SRI: variants seen among roughly 807,000 people sequenced by gnomAD.
SRI encodes 22 kDa protein.
Under a neutral mutation model 33.3 loss-of-function variants are expected in SRI, and 30 were observed. That is an observed-to-expected ratio of 0.90 (90% CI 0.67 to 1.22). The LOEUF is 1.22. SRI is among the 50% of genes most tolerant of loss of function. The pLI is 0.00. For synonymous variants in SRI, 75 were observed against 89.9 expected, an observed-to-expected ratio of 0.83 and a Z score of 0.94; for missense variants, 243 against 250.8, an observed-to-expected ratio of 0.97 and a Z score of 0.21.
intron 6 of SRI, chr7:88,208,938 C>T (rs1345201332): frequency 3.5e-6 from 1 of 283,698 alleles, no homozygotes; most frequent in African/African-American, 2.2e-5. Flanking sequence ...GATAAAGAGT[C>T]CCCAATATAA....
chr7:88,217,089 A>G (rs1851742774), intron 3 of SRI, 33 bp downstream of exon 3: 1 of 1,589,766 alleles, frequency 6.3e-7, no homozygotes, highest in Admixed American at 1.7e-5. Context: ...ACACAAGAGT[A>G]TATTTAGACA....
exon 1 of SRI, chr7:88,226,971 C>A: frequency 1.2e-6 from 2 of 1,611,006 alleles, no homozygotes; most frequent in Admixed American, 1.7e-5. Context: ...TGCCTTCTTG[C>A]AGAGTGGCCA....
intron 3 of SRI, among the ~76,000 whole-genome samples, chr7:88,214,037 A>G (rs1851647120): frequency 6.6e-6 from 1 of 152,192 alleles, no homozygotes; most frequent in Non-Finnish European, 1.5e-5. Flanking sequence ...GATAAGTCAC[A>G]TACACATATA....
chr7:88,218,751 G>A lies in SRI; in HGVS notation c.135+108C>T, dbSNP rs979339496. The stretch of plus-strand genomic sequence containing the variant: ...ACAACTTTTTTTTTCTTTTGCAGAA[G>A]CAAAGGGACTCAGTACCACAGGAAG... On this transcript the variant is annotated intron_variant, in intron 2 of 7. Coordinates refer to ENST00000265729, the MANE Select transcript of SRI (RefSeq NM_003130.4). 1.7e-5 allele frequency: 17 copies of A among 1,007,044 alleles called. No homozygotes were observed. In the African/African-American group the frequency reaches 1.9e-4, roughly 11 times the overall value. The allele number at this position is 1,007,044 out of a possible 1,614,324, so 62.4% of individuals were successfully genotyped here.
chr7:88,209,104 C>T (rs1851504543), intron 6 of SRI: 1 of 358,818 alleles, frequency 2.8e-6, no homozygotes, highest in Non-Finnish European at 5.0e-6. Context: ...TGTTTTAGAA[C>T]ATTTTAGTAA....
At chr7:88,213,500 C>A (rs184650876) in intron 3 of SRI, among the ~76,000 whole-genome samples, 2 of 152,154 alleles carry the variant, frequency 1.3e-5, no homozygotes, top group African/African-American at 4.8e-5. Context: ...ACTTCATGGT[C>A]GGCCTCATTT....
At chr7:88,209,274 A>C in intron 6 of SRI, 65 bp downstream of exon 6, 1 of 1,334,756 alleles carries the variant, frequency 7.5e-7, no homozygotes, top group Non-Finnish European at 1.1e-6. Flanking sequence ...AGAAGCACTG[A>C]GAGATGAAAT....
At chr7:88,212,669 C>T (rs1358454685) in intron 3 of SRI, among the ~76,000 whole-genome samples, 2 of 152,126 alleles carry the variant, frequency 1.3e-5, no homozygotes, top group Non-Finnish European at 2.9e-5. Flanking sequence ...GAATCTCAGC[C>T]CTTACCCTAC....
exon 1 of SRI, chr7:88,226,937 A>G (rs1425314301): frequency 6.2e-7 from 1 of 1,613,604 alleles, no homozygotes; most frequent in Non-Finnish European, 8.5e-7. Flanking sequence ...TCTTATAGGT[A>G]GAAGCTGGTG....
intron 1 of SRI, among the ~76,000 whole-genome samples, chr7:88,226,526 AATT>A (rs1243367141): frequency 6.6e-6 from 1 of 152,176 alleles, no homozygotes; most frequent in Non-Finnish European, 1.5e-5. Flanking sequence ...AAAAATTCCC[AATT>A]ATTCATATTG....
upstream of SRI, among the ~76,000 whole-genome samples, chr7:88,224,125 C>G (rs1291602968): frequency 2.0e-5 from 3 of 152,160 alleles, no homozygotes; most frequent in Non-Finnish European, 4.4e-5. Context: ...AAGAGCAGAC[C>G]TAGCCAGATG....
chr7:88,225,961 T>A (rs1851983866), intron 1 of SRI, among the ~76,000 whole-genome samples: 1 of 152,210 alleles, frequency 6.6e-6, no homozygotes, highest in African/African-American at 2.4e-5. Flanking sequence ...AAGAACTGGC[T>A]GTAATTAGTT....
Position 88,210,098 on chromosome 7 carries a change from T to G in SRI, c.282A>C (p.Glu94Asp). The change falls in exon 5 of 8, where the codon GAA becomes GAC. Residue 94 changes from glutamate to aspartate, a missense_variant. By Grantham distance (45) the Glu-to-Asp change is conservative (BLOSUM62 2). Transcript: ENST00000265729. Reference sequence around the variant, plus strand: ...TCAGTACAGCCCAGAGTTCTTTAAATTCATTGAAACCCATTGTGCCAGACA... The same window carrying G: ...TCAGTACAGCCCAGAGTTCTTTAAAGTCATTGAAACCCATTGTGCCAGACA... ...RDMSGTMGFN[E>D]FKELWAVLNG... 6.2e-7 allele frequency: 1 copy of G among 1,614,176 alleles called. No homozygotes were observed. Among genetic ancestry groups the G allele is most frequent in the Non-Finnish European group, 8.5e-7 (1 of 1,180,014 alleles).
chr7:88,219,868 C>G (rs940475044), intron 1 of SRI, 108 bp downstream of exon 1: 1 of 1,369,196 alleles, frequency 7.3e-7, no homozygotes, highest in African/African-American at 1.5e-5. Flanking sequence ...GGAAGGAGCC[C>G]GGGTAGCCGC....
chr7:88,217,152 T>G lies in SRI; in HGVS notation c.175A>C (p.Thr59Pro). 1 of 1,613,384 alleles carries G rather than the reference T, an allele frequency of 6.2e-7. No homozygotes were observed. Among genetic ancestry groups the G allele is most frequent in the South Asian group, 1.1e-5 (1 of 91,050 alleles). The change falls in exon 3 of 8, where the codon ACA becomes CCA. Residue 59 changes from threonine to proline, a missense_variant. Thr to Pro is a conservative substitution (Grantham distance 38, BLOSUM62 -1). Transcript: ENST00000265729. ...TATCCTCCAGCAATGCCAGACTGTG[T>G]CAGACATCTCTGCAATTCATCAGCA... The part of the protein sequence containing the change: ...IDADELQRCL[T>P]QSGIAGGYKP...
At chr7:88,211,408 T>A (rs1291799274) in intron 3 of SRI, among the ~76,000 whole-genome samples, 2 of 151,892 alleles carry the variant, frequency 1.3e-5, no homozygotes, top group South Asian at 2.1e-4. Context: ...TGAGCTGAGA[T>A]CATGCCACTG....
chr7:88,226,018 T>C lies in SRI; in HGVS notation c.6+891A>G, dbSNP rs139400722. On this transcript the variant is annotated intron_variant, in intron 1 of 7. Coordinates refer to the SRI transcript ENST00000394641. ...TTATCAAGTCTCTACATCTTTTACT[T>C]GTGACCATTACCATGTCTGGGACCA... Among the ~76,000 whole-genome samples, 120 of 152,314 alleles carry C rather than the reference T, an allele frequency of 7.9e-4. 1 individual carries two copies. The highest frequency in any genetic ancestry group is 2.7e-3 in the African/African-American group (114 of 41,570).
At chr7:88,214,543 C>T (rs531433901) in intron 3 of SRI, among the ~76,000 whole-genome samples, 1 of 152,010 alleles carries the variant, frequency 6.6e-6, no homozygotes, top group African/African-American at 2.4e-5. Context: ...CGCTGATGTC[C>T]AATAAGTTTT....
chr7:88,214,538 A>T (rs1259246010), intron 3 of SRI, among the ~76,000 whole-genome samples: 1 of 152,172 alleles, frequency 6.6e-6, no homozygotes, highest in Non-Finnish European at 1.5e-5. Flanking sequence ...TAGAACGCTG[A>T]TGTCCAATAA....
Sources: gnomAD v4.1 joint callset for allele counts (sites outside exome capture counted in the v4.1 genomes callset) on GRCh38, gnomAD v4.1.1 for gene constraint, MANE v1.5 for transcripts, NCBI Gene and HGNC (gene_info 2026-07-23, HGNC 2026-07-21) for gene names.